Variants in L3MBTL4 observed in about 807,000 individuals in gnomAD.
The protein encoded by L3MBTL4 is lethal(3)malignant brain tumor-like protein 4.
In L3MBTL4, 70 loss-of-function variants were observed where a neutral mutation model predicts 84.5. That is an observed-to-expected ratio of 0.83 (90% CI 0.68 to 1.01). L3MBTL4 has a LOEUF of 1.01. Among genes scored for constraint, L3MBTL4 ranks in the 50% least tolerant of loss-of-function variants. L3MBTL4 has a pLI of 0.00. For missense variants in L3MBTL4, 715 were observed against 754.8 expected (o/e 0.95, Z 0.62); for synonymous variants, 274 against 259.8 (o/e 1.05, Z -0.52).
At chr18:6,153,103 C>T (rs2042962915) in intron 13 of L3MBTL4, among the ~76,000 whole-genome samples, 2 of 152,246 alleles carry the variant, frequency 1.3e-5, no homozygotes, top group South Asian at 4.1e-4. Context: ...TCTTTTTATG[C>T]TACTAACATA....
intron 16 of L3MBTL4, among the ~76,000 whole-genome samples, chr18:5,999,341 T>C (rs2054117403): frequency 6.6e-6 from 1 of 152,218 alleles, no homozygotes; most frequent in African/African-American, 2.4e-5. Flanking sequence ...CTTCCAAATG[T>C]CTTGGTTTGA....
At chr18:6,087,423 T>G (rs1195099700) in intron 15 of L3MBTL4, among the ~76,000 whole-genome samples, 1 of 152,160 alleles carries the variant, frequency 6.6e-6, no homozygotes, top group Non-Finnish European at 1.5e-5. Context: ...AGAAGTTGAA[T>G]TAATCTCTTG....
intron 12 of L3MBTL4, among the ~76,000 whole-genome samples, chr18:6,210,879 A>G (rs1311842176): frequency 1.3e-5 from 2 of 152,180 alleles, no homozygotes; most frequent in Non-Finnish European, 2.9e-5. Flanking sequence ...TAATACAGAA[A>G]ATAAATACAC....
intron 4 of L3MBTL4, among the ~76,000 whole-genome samples, chr18:6,296,542 G>A (rs1049493499): frequency 3.9e-5 from 6 of 152,194 alleles, no homozygotes; most frequent in African/African-American, 1.4e-4. Flanking sequence ...AGGTTTTGAA[G>A]GAGTCAGCCA....
chr18:6,061,569 A>C (rs889521223), intron 16 of L3MBTL4, among the ~76,000 whole-genome samples: 1 of 151,812 alleles, frequency 6.6e-6, no homozygotes, highest in African/African-American at 2.4e-5. Flanking sequence ...ACTGAAGGCC[A>C]CCTAGATTTT....
intron 13 of L3MBTL4, among the ~76,000 whole-genome samples, chr18:6,147,447 T>A (rs1457303905): frequency 6.6e-6 from 1 of 152,064 alleles, no homozygotes; most frequent in Non-Finnish European, 1.5e-5. Flanking sequence ...TATTTCATAA[T>A]ACATAAATAA....
chr18:6,291,197 C>T (rs4100664), intron 4 of L3MBTL4, among the ~76,000 whole-genome samples: 26,309 of 152,164 alleles, frequency 0.17, 2,319 homozygotes, highest in Middle Eastern at 0.22. Context: ...ATTAAAATTT[C>T]CCAATTAGTA....
intron 13 of L3MBTL4, among the ~76,000 whole-genome samples, chr18:6,162,646 G>A (rs933722588): frequency 3.3e-5 from 5 of 152,124 alleles, no homozygotes; most frequent in African/African-American, 1.2e-4. Flanking sequence ...AAAGATGATT[G>A]GATGTGATTG....
At chr18:5,996,509 G>A (rs1307564728) in intron 16 of L3MBTL4, among the ~76,000 whole-genome samples, 2 of 152,234 alleles carry the variant, frequency 1.3e-5, no homozygotes, top group Admixed American at 6.5e-5. Flanking sequence ...GCCAGACGCC[G>A]GGACCAGCAT....
intron 13 of L3MBTL4, among the ~76,000 whole-genome samples, chr18:6,169,499 A>G (rs1019325197): frequency 7.9e-5 from 12 of 152,186 alleles, no homozygotes; most frequent in African/African-American, 2.2e-4. Context: ...CTATGCAGCC[A>G]TATAAAACGA....
intron 16 of L3MBTL4, among the ~76,000 whole-genome samples, chr18:6,056,030 C>T (rs967648269): frequency 2.6e-5 from 4 of 151,984 alleles, no homozygotes; most frequent in African/African-American, 7.2e-5. Flanking sequence ...CTCAGTGTTT[C>T]GGGGGGAGTG....
intron 1 of L3MBTL4, among the ~76,000 whole-genome samples, chr18:6,388,097 T>C (rs1361731760): frequency 6.6e-6 from 1 of 152,094 alleles, no homozygotes; most frequent in East Asian, 1.9e-4. Flanking sequence ...TGTTCAAAAA[T>C]TAAAAAGAGC....
intron 16 of L3MBTL4, among the ~76,000 whole-genome samples, chr18:5,976,915 C>T (rs1241129304): frequency 6.6e-6 from 1 of 152,168 alleles, no homozygotes; most frequent in Non-Finnish European, 1.5e-5. Context: ...GGCAACCCAG[C>T]TGCTGTTTCC....
intron 1 of L3MBTL4, among the ~76,000 whole-genome samples, chr18:6,320,140 A>G (rs1302943233): frequency 2.0e-5 from 3 of 152,152 alleles, no homozygotes; most frequent in Non-Finnish European, 2.9e-5. Flanking sequence ...TAGAAGGGAC[A>G]CACCTCAAAA....
intron 10 of L3MBTL4, among the ~76,000 whole-genome samples, chr18:6,224,126 C>A (rs2046676804): frequency 1.3e-5 from 2 of 151,788 alleles, no homozygotes; most frequent in South Asian, 4.2e-4. Flanking sequence ...AAAATAAAAA[C>A]AAAACTAATA....
rs368124121 is a variant in L3MBTL4 at position 6,238,031 on chromosome 18, A to G, written c.717T>C (p.Val239=). ...WDDSYDYWCD[V]NSPYVQPVGW... is the part of the protein sequence containing the mutation. ...CAACTGGCTGGACATAAGGGCTATT[A>G]ACATCGCACCTGCAAAAACAGAGCT... The change falls in exon 10 of 19, where the codon GTT becomes GTC. Residue 239 remains valine, a synonymous_variant. Transcript: ENST00000317931. 20 of 1,614,078 alleles carry G rather than the reference A, an allele frequency of 1.2e-5. No homozygotes were observed. The African/African-American group carries it at 2.7e-4, about 22-fold the overall frequency.
chr18:5,960,185 A>G (rs1294280169), intron 17 of L3MBTL4, 29 bp from the exon 18 acceptor site: 1 of 1,430,968 alleles, frequency 7.0e-7, no homozygotes, highest in South Asian at 1.3e-5. Flanking sequence ...AGCCTAATTT[A>G]ATACATGCAC....
Position 5,956,093 on chromosome 18 carries a change from G to C in L3MBTL4, c.*127C>G, listed in dbSNP as rs1340089221. 2.5e-6 allele frequency: 2 copies of C among 811,836 alleles called. No homozygotes were observed. The highest frequency in any genetic ancestry group is 4.9e-5 in the East Asian group (2 of 40,634). 50.3% of individuals were successfully genotyped at this position (811,836 alleles called of 1,614,324 possible). A position where few individuals can be genotyped will look rare whatever the true frequency, so the allele number is the denominator to read the frequency against. On this transcript the variant is annotated 3_prime_UTR_variant, in exon 19 of 19. Transcript: ENST00000317931. ...CCTCTAAACATGTAAACAAATCACA[G>C]ACACTTTAAAAAGTCCAGATTCAGT...
intron 13 of L3MBTL4, among the ~76,000 whole-genome samples, chr18:6,164,318 C>T (rs555588651): frequency 0.015 from 2,279 of 152,350 alleles, 53 homozygotes; most frequent in African/African-American, 0.052. Flanking sequence ...TGTCTGACAG[C>T]TTTGAAGAGA....
Sources: allele counts gnomAD v4.1 joint callset (sites outside exome capture counted in the v4.1 genomes callset), GRCh38; gene constraint gnomAD v4.1.1; transcripts MANE v1.5; gene names NCBI Gene and HGNC (gene_info 2026-07-23, HGNC 2026-07-21).